Variants in MED15 observed in about 807,000 individuals in gnomAD.
MED15 encodes the protein mediator complex subunit 15, also known as mediator of RNA polymerase II transcription subunit 15.
MED15 carries 41 observed loss-of-function variants against 118.7 expected under a neutral mutation model. That is an observed-to-expected ratio of 0.35 (90% CI 0.27 to 0.45). MED15 has a LOEUF of 0.45. Among genes scored for constraint, MED15 ranks in the 20% least tolerant of loss-of-function variants. The probability of loss-of-function intolerance (pLI) is 1.00; values close to 1 mark genes in which losing one functional copy is unlikely to be tolerated. For synonymous variants in MED15, 436 were observed against 413.9 expected (o/e 1.05, Z -0.65); for missense variants, 740 against 1,025.5 (o/e 0.72, Z 3.80).
chr22:20,545,679 G>A (rs1437098128), intron 2 of MED15, among the ~76,000 whole-genome samples: 1 of 152,148 alleles, frequency 6.6e-6, no homozygotes, highest in East Asian at 1.9e-4. Context: ...CCAGGTCAGG[G>A]CCGTGTGGTT....
chr22:20,551,582 C>T, intron 3 of MED15, 95 bp downstream of exon 3: 2 of 1,207,882 alleles, frequency 1.7e-6, no homozygotes, highest in Non-Finnish European at 2.5e-6. Flanking sequence ...GGCCGTGGTG[C>T]CTGAGTCAGA....
At chr22:20,581,085 A>G (rs1195949968) in intron 9 of MED15, among the ~76,000 whole-genome samples, 1 of 152,188 alleles carries the variant, frequency 6.6e-6, no homozygotes, top group Non-Finnish European at 1.5e-5. Context: ...GCTGTGCTGG[A>G]AGTACCCTGT....
intron 8 of MED15, chr22:20,574,691 C>T (rs1478493865): frequency 6.0e-6 from 1 of 165,396 alleles, no homozygotes; most frequent in African/African-American, 2.4e-5. Context: ...GTGTTCTCAT[C>T]ACAGGCTTTG....
intron 1 of MED15, among the ~76,000 whole-genome samples, chr22:20,524,810 C>T (rs1422764982): frequency 6.7e-6 from 1 of 149,776 alleles, no homozygotes; most frequent in Non-Finnish European, 1.5e-5. Flanking sequence ...TTAGTAGAGA[C>T]GGGATTTAGT....
chr22:20,584,186 C>T (rs2057068512), intron 13 of MED15, 173 bp from the exon 14 acceptor site: 1 of 651,342 alleles, frequency 1.5e-6, no homozygotes, highest in Non-Finnish European at 2.7e-6. Context: ...ACAAGCAGCT[C>T]CTGGGGTTGA....
At position 20,583,012 on chromosome 22, in the gene MED15, G is replaced by C. The variant is rs754984530; in HGVS notation, c.1537+45G>C. 98 of 1,592,068 alleles carry C rather than the reference G, an allele frequency of 6.2e-5. 2 individuals carry two copies. The Admixed American group carries it at 1.6e-3, about 25-fold the overall frequency. On this transcript the variant is annotated intron_variant, in intron 11 of 17. Transcript: ENST00000263205. ...CTAAGGTCACTCCTCACCTTTATGAGGCCTCAGCTCATACTGGGTGTGCGA... is the reference window on the plus strand; with the variant it reads ...CTAAGGTCACTCCTCACCTTTATGACGCCTCAGCTCATACTGGGTGTGCGA...
intron 6 of MED15, 97 bp from the exon 7 acceptor site, chr22:20,566,370 G>T: frequency 1.3e-6 from 2 of 1,558,816 alleles, no homozygotes; most frequent in African/African-American, 2.7e-5. Context: ...TCTGCAGATG[G>T]CCACCTGGGC....
chr22:20,534,312 T>A (rs1477680211), intron 1 of MED15, among the ~76,000 whole-genome samples: 14 of 152,018 alleles, frequency 9.2e-5, no homozygotes, highest in Admixed American at 9.2e-4. Flanking sequence ...GGCCAGGAGT[T>A]TGAGACCAGC....
At chr22:20,551,176 C>G (rs2055758805) in intron 2 of MED15, 2 of 642,806 alleles carry the variant, frequency 3.1e-6, no homozygotes, top group Non-Finnish European at 5.9e-6. Flanking sequence ...AGCTGAGTGC[C>G]TTTCCATCAG....
intron 1 of MED15, among the ~76,000 whole-genome samples, chr22:20,521,033 T>G (rs1168489374): frequency 6.7e-6 from 1 of 149,978 alleles, no homozygotes; most frequent in Non-Finnish European, 1.5e-5. Flanking sequence ...TGTGCAATTG[T>G]GTGCATCATG....
intron 9 of MED15, 149 bp from the exon 10 acceptor site, chr22:20,582,462 G>T (rs1360661558): frequency 7.9e-7 from 1 of 1,267,104 alleles, no homozygotes; most frequent in Non-Finnish European, 1.1e-6. Flanking sequence ...GAGTGTGCCT[G>T]TGTGTATGTC....
intron 11 of MED15, 70 bp downstream of exon 11, chr22:20,583,037 A>C (rs2057035384): frequency 6.4e-7 from 1 of 1,570,272 alleles, no homozygotes. Flanking sequence ...TGGGTGTGCG[A>C]GCTCTGGGGC....
chr22:20,564,346 G>A, intron 5 of MED15, 104 bp from the exon 6 acceptor site: 1 of 1,539,138 alleles, frequency 6.5e-7, no homozygotes. Flanking sequence ...CGGCAGCCGT[G>A]GCAGTGGGGC....
chr22:20,577,576 A>G (rs1394987507), intron 9 of MED15, among the ~76,000 whole-genome samples: 1 of 152,050 alleles, frequency 6.6e-6, no homozygotes, highest in East Asian at 1.9e-4. Flanking sequence ...CAGAGGAAGG[A>G]TAGAGAAATA....
At chr22:20,570,931 A>AT (rs918123533) in intron 8 of MED15, among the ~76,000 whole-genome samples, 11 of 145,346 alleles carry the variant, frequency 7.6e-5, no homozygotes, top group South Asian at 6.5e-4. Flanking sequence ...TATCCAGCTA[A>AT]TTTTTTTTTC....
At chr22:20,514,910 C>T (rs562511886) in intron 1 of MED15, among the ~76,000 whole-genome samples, 46 of 152,328 alleles carry the variant, frequency 3.0e-4, no homozygotes, top group African/African-American at 1.1e-3. Flanking sequence ...AGCTCCAGCC[C>T]TTGTTTTCCA....
At chr22:20,577,767 T>C (rs1246019837) in intron 9 of MED15, among the ~76,000 whole-genome samples, 1 of 151,838 alleles carries the variant, frequency 6.6e-6, no homozygotes, top group Non-Finnish European at 1.5e-5. Flanking sequence ...CCCTGAACCT[T>C]TGGGGTTGTT....
intron 1 of MED15, among the ~76,000 whole-genome samples, chr22:20,531,324 C>A (rs2054854370): frequency 6.6e-6 from 1 of 152,252 alleles, no homozygotes; most frequent in South Asian, 2.1e-4. Context: ...AGAAGCCCTG[C>A]AGACCAGGCC....
Position 20,568,505 on chromosome 22 carries a change from CTCTT to C in MED15, c.1042-12_1042-9del, listed in dbSNP as rs1569233135. ...CCCAGGTGGTTCCAAATCACATTCTCTCTTTCTCCCTCAAGGTCCGAGCTCCGAT... is the reference window on the plus strand; with the variant it reads ...CCCAGGTGGTTCCAAATCACATTCTCTCTCCCTCAAGGTCCGAGCTCCGAT... On this transcript the variant is annotated splice_polypyrimidine_tract_variant and intron_variant, in intron 7 of 17. Transcript: ENST00000263205. The C allele has an allele frequency of 1.9e-6, 3 of 1,612,444 alleles. No homozygotes were observed. Among genetic ancestry groups the C allele is most frequent in the African/African-American group, 1.3e-5 (1 of 75,012 alleles).
Sources: allele counts gnomAD v4.1 joint callset (sites outside exome capture counted in the v4.1 genomes callset), GRCh38; gene constraint gnomAD v4.1.1; transcripts MANE v1.5; gene names NCBI Gene and HGNC (gene_info 2026-07-23, HGNC 2026-07-21).